The following EDEM3 variants were observed in gnomAD, a reference collection of about 807,000 sequenced individuals.
The protein encoded by EDEM3 is ER degradation-enhancing alpha-mannosidase-like protein 3.
EDEM3 carries 60 observed loss-of-function variants against 110.2 expected under a neutral mutation model. The ratio of observed to expected loss-of-function variants is 0.54; its 90% CI spans 0.44 to 0.67. The LOEUF (loss-of-function observed/expected upper bound fraction) is 0.67, where lower values mean the gene tolerates loss of function less well. Ranked by LOEUF, EDEM3 falls within the 30% of genes least tolerant of loss-of-function variation. EDEM3 has a pLI of 0.00. For missense variants in EDEM3, 996 were observed against 1,121.0 expected, an observed-to-expected ratio of 0.89 and a Z score of 1.59; for synonymous variants, 352 against 382.9, an observed-to-expected ratio of 0.92 and a Z score of 0.94.
chr1:184,739,893 T>A (rs1652041098), intron 2 of EDEM3, among the ~76,000 whole-genome samples: 1 of 152,098 alleles, frequency 6.6e-6, no homozygotes, highest in Non-Finnish European at 1.5e-5. Context: ...GACCACAACA[T>A]GGGTATTAGG....
intron 2 of EDEM3, 64 bp from the exon 3 acceptor site, chr1:184,737,775 C>T (rs972083399): frequency 3.6e-6 from 5 of 1,394,722 alleles, no homozygotes; most frequent in Non-Finnish European, 4.0e-6. Context: ...ATTTTGAGAA[C>T]ATAACTTTTT....
At chr1:184,743,686 C>T (rs1652263481) in intron 2 of EDEM3, among the ~76,000 whole-genome samples, 1 of 152,018 alleles carries the variant, frequency 6.6e-6, no homozygotes, top group Admixed American at 6.6e-5. Context: ...GAGTTCAGGA[C>T]CCACTATTAA....
chr1:184,714,133 G>C (rs1650414158), intron 13 of EDEM3, among the ~76,000 whole-genome samples: 1 of 152,208 alleles, frequency 6.6e-6, no homozygotes, highest in South Asian at 2.1e-4. Flanking sequence ...ACTGCAGACA[G>C]ATGAGCAGGA....
At chr1:184,719,325 TATACAA>T (rs1650742847) in intron 10 of EDEM3, 80 bp from the exon 11 acceptor site, 9 of 1,513,448 alleles carry the variant, frequency 5.9e-6, no homozygotes, top group Non-Finnish European at 8.0e-6. Context: ...CAGAAAAATG[TATACAA>T]ATACAATTCT....
chr1:184,723,884 A>AG, intron 7 of EDEM3, 28 bp from the exon 8 acceptor site: 1 of 1,468,154 alleles, frequency 6.8e-7, no homozygotes. Flanking sequence ...AAAAAAAAAA[A>AG]AGAAGTGCAT....
intron 19 of EDEM3, chr1:184,701,372 C>T (rs180848450): frequency 1.7e-5 from 6 of 348,608 alleles, no homozygotes; most frequent in Admixed American, 1.6e-4. Flanking sequence ...AATCTAATTA[C>T]GTTACACAAG....
At chr1:184,704,649 CAAAAAAAAAAAAAAA>C (rs58913815) in intron 18 of EDEM3, among the ~76,000 whole-genome samples, 19 of 29,916 alleles carry the variant, frequency 6.4e-4, no homozygotes, top group African/African-American at 1.4e-3. Flanking sequence ...GACTCTGTCT[CAAAAAAAAAAAAAAA>C]AAAAAAAAAA....
At chr1:184,695,317 C>T (rs1178010001) in intron 19 of EDEM3, among the ~76,000 whole-genome samples, 1 of 151,990 alleles carries the variant, frequency 6.6e-6, no homozygotes, top group Non-Finnish European at 1.5e-5. Context: ...ATACCAAATG[C>T]TATACCTGCC....
At position 184,694,250 on chromosome 1, in the gene EDEM3, T is replaced by C. The variant is rs781425413; in HGVS notation, c.2612A>G (p.His871Arg). 6.8e-6 allele frequency: 11 copies of C among 1,613,382 alleles called. No homozygotes were observed. The highest frequency in any genetic ancestry group is 9.3e-6 in the Non-Finnish European group (11 of 1,179,598). The change falls in exon 20 of 20, where the codon CAT becomes CGT. Residue 871 changes from histidine to arginine, a missense_variant. Transcript: ENST00000318130. ...TTCACCATTAAGATTTGTAGTCTCA[T>C]GGTTTTCTGTGGGATTAGAAGTCTG... is the stretch of plus-strand genomic sequence containing the variant. ...SEQTSNPTEN[H>R]ETTNLNGECT...
intron 2 of EDEM3, among the ~76,000 whole-genome samples, chr1:184,739,045 C>A (rs1651986733): frequency 6.6e-6 from 1 of 151,706 alleles, no homozygotes; most frequent in South Asian, 2.1e-4. Context: ...TGCATTTGCT[C>A]CCCAAAAATA....
Position 184,690,900 on chromosome 1 carries a change from G to C in EDEM3, c.*3163C>G, listed in dbSNP as rs1255003772. ...CCCTCTAAAATTATAAGCAGTATTT[G>C]AATTACTTATGCTGAGCTTTCTTCA... On this transcript the variant is annotated 3_prime_UTR_variant, in exon 20 of 20. Coordinates refer to ENST00000318130, the MANE Select transcript of EDEM3 (RefSeq NM_025191.4). 1 of 152,218 alleles carries C rather than the reference G, an allele frequency of 6.6e-6. No homozygotes were observed. The highest frequency in any genetic ancestry group is 1.5e-5 in the Non-Finnish European group (1 of 67,950). The allele number at this position is 152,218 out of a possible 1,614,324, so 9.4% of individuals were successfully genotyped here. A position where few individuals can be genotyped will look rare whatever the true frequency, so the allele number is the denominator to read the frequency against.
chr1:184,744,604 C>T (rs1444426681), intron 2 of EDEM3, among the ~76,000 whole-genome samples: 1 of 151,958 alleles, frequency 6.6e-6, no homozygotes, highest in South Asian at 2.1e-4. Flanking sequence ...AAAACTTGCA[C>T]TCACAGGTTG....
chr1:184,739,945 G>C (rs1652043924), intron 2 of EDEM3, among the ~76,000 whole-genome samples: 2 of 152,134 alleles, frequency 1.3e-5, no homozygotes, highest in Non-Finnish European at 2.9e-5. Context: ...AATGCCCAAA[G>C]GACATAGGAG....
At position 184,749,420 on chromosome 1, in the gene EDEM3, C is replaced by T. The variant is rs1652624107; in HGVS notation, c.204+127G>A. 5.6e-6 allele frequency: 4 copies of T among 709,812 alleles called. No individual in the cohort carries two copies. In the South Asian group the frequency reaches 7.7e-5, roughly 14 times the overall value. 44.0% of individuals were successfully genotyped at this position (709,812 alleles called of 1,614,324 possible). A position where few individuals can be genotyped will look rare whatever the true frequency, so the allele number is the denominator to read the frequency against. ...ACCACTACCAGAAAGACTATTTTTG[C>T]CCTGTTTTTTAAAAACTTCCTTTTA... On this transcript the variant is annotated intron_variant, in intron 2 of 19. Transcript: ENST00000318130.
In EDEM3 at chr1:184,710,508, T is replaced by G; in HGVS notation, c.1731A>C (p.Arg577Ser). 2 of 1,613,910 alleles carry G rather than the reference T, an allele frequency of 1.2e-6. No homozygotes were observed. Among genetic ancestry groups the G allele is most frequent in the Non-Finnish European group, 1.7e-6 (2 of 1,179,858 alleles). The change falls in exon 16 of 20, where the codon AGA (arginine) becomes AGC (serine). Residue 577 changes from arginine (R) to serine (S), a missense_variant. Around this residue, in one of 5 missense-constraint regions of EDEM3, gnomAD observed 138 missense variants for 124.3 expected, o/e 1.11. Transcript: ENST00000318130. ...GGTTAGTGGCCATGAAATCTCTGGC[T>G]CTCAGAGGGGGTTTAGCTCCACTCC... ...SFRSGAKPPL[R>S]ARDFMATNPE...
At chr1:184,717,488 C>G (rs1650615718) in intron 12 of EDEM3, 52 bp downstream of exon 12, 1 of 1,446,600 alleles carries the variant, frequency 6.9e-7, no homozygotes, top group African/African-American at 1.4e-5. Flanking sequence ...AATGAGAGAT[C>G]CAACAGAGAA....
intron 17 of EDEM3, 86 bp from the exon 18 acceptor site, chr1:184,706,894 G>T: frequency 7.6e-7 from 1 of 1,311,574 alleles, no homozygotes; most frequent in Non-Finnish European, 1.0e-6. Context: ...AGTTTTAAAA[G>T]AACTAGAACT....
chr1:184,732,380 A>G (rs574237787), intron 6 of EDEM3, among the ~76,000 whole-genome samples: 20 of 152,294 alleles, frequency 1.3e-4, no homozygotes, highest in African/African-American at 4.8e-4. Context: ...GTTAGACAGA[A>G]TGAATAAGAT....
intron 16 of EDEM3, 44 bp downstream of exon 16, chr1:184,710,350 A>G (rs764729339): frequency 2.7e-5 from 43 of 1,591,008 alleles, no homozygotes; most frequent in Non-Finnish European, 3.6e-5. Flanking sequence ...CGACCAAAGA[A>G]AGCAGGGCAG....
Sources: allele counts gnomAD v4.1 joint callset (sites outside exome capture counted in the v4.1 genomes callset), GRCh38; gene constraint gnomAD v4.1.1; regional missense constraint gnomAD v4.1.1; transcripts MANE v1.5; gene names NCBI Gene and HGNC (gene_info 2026-07-23, HGNC 2026-07-21).